PKP4: variants seen among roughly 807,000 people sequenced by gnomAD.
The protein encoded by PKP4 is plakophilin 4.
PKP4 carries 90 observed loss-of-function variants against 145.1 expected under a neutral mutation model. The ratio of observed to expected loss-of-function variants is 0.62; its 90% CI spans 0.52 to 0.74. The LOEUF (loss-of-function observed/expected upper bound fraction) is 0.74, where lower values mean the gene tolerates loss of function less well. Among genes scored for constraint, PKP4 ranks in the 30% least tolerant of loss-of-function variants. The pLI, the probability that PKP4 is intolerant of heterozygous loss-of-function variation, is 0.00. For synonymous variants in PKP4, 563 were observed against 577.2 expected (o/e 0.98, Z 0.35); for missense variants, 1,340 against 1,482.7 (o/e 0.90, Z 1.58).
chr2:158,582,594 C>G (rs1369122901), intron 3 of PKP4, among the ~76,000 whole-genome samples: 2 of 152,136 alleles, frequency 1.3e-5, no homozygotes, highest in African/African-American at 2.4e-5. Flanking sequence ...GAAAAACAAA[C>G]TAGGTTGCTC....
intron 2 of PKP4, among the ~76,000 whole-genome samples, chr2:158,558,499 A>T (rs1026277259): frequency 6.6e-6 from 1 of 152,174 alleles, no homozygotes; most frequent in Admixed American, 6.5e-5. Flanking sequence ...TGAAGGATGC[A>T]GAAAGGTCAG....
At chr2:158,516,755 G>A (rs1436831685) in intron 1 of PKP4, among the ~76,000 whole-genome samples, 2 of 151,620 alleles carry the variant, frequency 1.3e-5, no homozygotes, top group Non-Finnish European at 2.9e-5. Context: ...TGCCTTCCGG[G>A]TTCAAGCGAT....
intron 1 of PKP4, among the ~76,000 whole-genome samples, chr2:158,519,333 A>G (rs138480203): frequency 1.1e-3 from 163 of 152,298 alleles, no homozygotes; most frequent in African/African-American, 3.7e-3. Flanking sequence ...CACTAAGGAT[A>G]TTAGTTCTAC....
chr2:158,674,214 G>A (rs900933598), intron 19 of PKP4, among the ~76,000 whole-genome samples: 4 of 152,114 alleles, frequency 2.6e-5, no homozygotes, highest in East Asian at 1.9e-4. Flanking sequence ...CAGCAACAGC[G>A]CCCCAGGCCC....
At chr2:158,567,676 A>G (rs2047103670) in intron 2 of PKP4, among the ~76,000 whole-genome samples, 1 of 152,206 alleles carries the variant, frequency 6.6e-6, no homozygotes, top group South Asian at 2.1e-4. Flanking sequence ...TGTAAAACAT[A>G]GAGATTATTG....
chr2:158,614,744 T>A (rs2051434438), intron 4 of PKP4, among the ~76,000 whole-genome samples: 1 of 152,220 alleles, frequency 6.6e-6, no homozygotes, highest in African/African-American at 2.4e-5. Context: ...TTTAATATTT[T>A]ATGTTTGATA....
At chr2:158,481,275 T>C (rs915498175) in intron 1 of PKP4, among the ~76,000 whole-genome samples, 1 of 152,190 alleles carries the variant, frequency 6.6e-6, no homozygotes, top group South Asian at 2.1e-4. Flanking sequence ...ATACCACATT[T>C]GTTTATCCAT....
chr2:158,481,769 T>G lies in PKP4; in HGVS notation c.-6+24551T>G, dbSNP rs538799450. Among the ~76,000 whole-genome samples, 27 of 152,326 alleles carry G rather than the reference T, an allele frequency of 1.8e-4. 1 individual carries two copies. The South Asian group carries it at 5.6e-3, about 32-fold the overall frequency. ...GTGCTATTATAAGTACTATGATTAC[T>G]TTTAGGGAGAGAATTTTGTAGAATT... On this transcript the variant is annotated intron_variant, in intron 1 of 21. Coordinates refer to ENST00000389759, the MANE Select transcript of PKP4 (RefSeq NM_003628.6).
chr2:158,573,891 G>T (rs1267600979), intron 2 of PKP4, among the ~76,000 whole-genome samples: 3 of 152,212 alleles, frequency 2.0e-5, no homozygotes, highest in Non-Finnish European at 2.9e-5. Context: ...TTCTCAGAGG[G>T]TGTGCCCATG....
At chr2:158,550,167 A>ATCTCTCAGAAT (rs2045491892) in intron 2 of PKP4, among the ~76,000 whole-genome samples, 1 of 152,252 alleles carries the variant, frequency 6.6e-6, no homozygotes, top group Non-Finnish European at 1.5e-5. Flanking sequence ...ATTAATGTGG[A>ATCTCTCAGAAT]AAAATGTTGC....
chr2:158,620,090 AT>A (rs2052052130), intron 4 of PKP4, among the ~76,000 whole-genome samples: 1 of 152,168 alleles, frequency 6.6e-6, no homozygotes, highest in Non-Finnish European at 1.5e-5. Context: ...TAAGAACTTA[AT>A]TATCTTTGAA....
chr2:158,675,570 C>T (rs2057936669), intron 19 of PKP4, among the ~76,000 whole-genome samples: 1 of 152,168 alleles, frequency 6.6e-6, no homozygotes, highest in African/African-American at 2.4e-5. Context: ...GGGAATACTC[C>T]ACTTCTGCTT....
chr2:158,488,926 GTGTGTCTTCAAAAGA>G (rs1291637182), intron 1 of PKP4, among the ~76,000 whole-genome samples: 2 of 152,198 alleles, frequency 1.3e-5, no homozygotes, highest in Non-Finnish European at 2.9e-5. Context: ...GTGCAAGGCA[GTGTGTCTTCAAAAGA>G]TGTGTCTTCA....
At chr2:158,550,406 A>G (rs1278660748) in intron 2 of PKP4, among the ~76,000 whole-genome samples, 1 of 152,218 alleles carries the variant, frequency 6.6e-6, no homozygotes, top group Non-Finnish European at 1.5e-5. Context: ...TAGTCATGTA[A>G]CCATAATCAA....
At chr2:158,478,904 T>G (rs1048905356) in intron 1 of PKP4, among the ~76,000 whole-genome samples, 1 of 152,242 alleles carries the variant, frequency 6.6e-6, no homozygotes, top group Non-Finnish European at 1.5e-5. Flanking sequence ...TTACTACATA[T>G]CTGTATCTCC....
In PKP4 at chr2:158,561,524, A is replaced by G. The variant is rs575781695; in HGVS notation, c.133-15747A>G. Among the ~76,000 whole-genome samples the G allele has an allele frequency of 1.4e-3, 220 of 152,304 alleles. 1 individual carries two copies. Among genetic ancestry groups the G allele is most frequent in the Middle Eastern group, 3.4e-3 (1 of 294 alleles). On this transcript the variant is annotated intron_variant, in intron 2 of 21. Transcript: ENST00000389759. ...ATGTTCACTGACTTTCTAGGTGCCT[A>G]CTTTTATTTGGCATCTTAAAACAGG...
chr2:158,475,772 C>T (rs919520097), intron 1 of PKP4, among the ~76,000 whole-genome samples: 2 of 152,152 alleles, frequency 1.3e-5, no homozygotes, highest in African/African-American at 4.8e-5. Flanking sequence ...TCAGTGCACC[C>T]CTTATGGACT....
At position 158,673,722 on chromosome 2, in the gene PKP4, A is replaced by T; in HGVS notation, c.2970A>T (p.Thr990=). Residue 990 remains threonine, a synonymous_variant, in exon 18 of 22, where the codon ACA becomes ACT. Coordinates refer to ENST00000389759, the MANE Select transcript of PKP4 (RefSeq NM_003628.6). The part of the protein sequence containing the change: ...VVKAAAQVLN[T]LWQYRDLRSI... Reference sequence around the variant, plus strand: ...AGGCAGCAGCCCAGGTCTTGAATACATTATGGCAATATCGGGACCTCCGGA... The same window carrying T: ...AGGCAGCAGCCCAGGTCTTGAATACTTTATGGCAATATCGGGACCTCCGGA... The T allele has an allele frequency of 6.2e-7, 1 of 1,613,480 alleles. No homozygotes were observed. The highest frequency in any genetic ancestry group is 1.1e-5 in the South Asian group (1 of 91,060).
intron 9 of PKP4, among the ~76,000 whole-genome samples, chr2:158,636,157 C>T (rs182552134): frequency 3.7e-4 from 56 of 152,192 alleles, no homozygotes; most frequent in African/African-American, 1.3e-3. Flanking sequence ...TCCATCTCAA[C>T]TCATTTCCCT....
Sources: allele counts gnomAD v4.1 joint callset (sites outside exome capture counted in the v4.1 genomes callset), GRCh38; gene constraint gnomAD v4.1.1; transcripts MANE v1.5; gene names NCBI Gene and HGNC (gene_info 2026-07-23, HGNC 2026-07-21).